Variants in ADAM10 observed in about 807,000 individuals in gnomAD.
The protein encoded by ADAM10 is disintegrin and metalloproteinase domain-containing protein 10.
Under a neutral mutation model 90.1 loss-of-function variants are expected in ADAM10, and 17 were observed. The observed-to-expected ratio is 0.19, with a 90% confidence interval of 0.13 to 0.28. The LOEUF (loss-of-function observed/expected upper bound fraction) is 0.28, where lower values mean the gene tolerates loss of function less well. Among genes scored for constraint, ADAM10 ranks in the 10% least tolerant of loss-of-function variants. ADAM10 has a pLI of 1.00. For synonymous variants in ADAM10, 310 were observed against 298.6 expected, an observed-to-expected ratio of 1.04 and a Z score of -0.40; for missense variants, 610 against 914.3, an observed-to-expected ratio of 0.67 and a Z score of 4.29.
intron 9 of ADAM10, among the ~76,000 whole-genome samples, chr15:58,631,272 C>G (rs1048032248): frequency 6.6e-6 from 1 of 152,164 alleles, no homozygotes; most frequent in Non-Finnish European, 1.5e-5. Context: ...CAACACAAAA[C>G]AGATGAAGAC....
intron 2 of ADAM10, among the ~76,000 whole-genome samples, chr15:58,694,193 T>C (rs35956992): frequency 0.14 from 20,690 of 152,206 alleles, 1,702 homozygotes; most frequent in South Asian, 0.32. Flanking sequence ...CTCATGCCTA[T>C]AATCCCAGCA....
intron 1 of ADAM10, among the ~76,000 whole-genome samples, chr15:58,746,442 T>C (rs976842026): frequency 2.0e-5 from 3 of 152,172 alleles, no homozygotes; most frequent in African/African-American, 7.2e-5. Context: ...AAAATACCAT[T>C]AATGTAGGCA....
Position 58,643,982 on chromosome 15 carries a change from T to C in ADAM10, c.736-4A>G, listed in dbSNP as rs773702469. On this transcript the variant is annotated splice_region_variant and splice_polypyrimidine_tract_variant and intron_variant, in intron 6 of 15. Transcript: ENST00000260408. ...TCGCTTTAACATGACTGGATATCTA[T>C]GATTTAAAAAAAAGAACATTTTAGA... The C allele has an allele frequency of 5.0e-6, 8 of 1,597,824 alleles. No homozygotes were observed. The highest frequency in any genetic ancestry group is 6.9e-6 in the Non-Finnish European group (8 of 1,165,668).
rs1368648919 is a variant in ADAM10, at chr15:58,686,420, G to A, written c.207-4106C>T. ...GCCCAGCGCCGCCACCATGTCCTCTGGGGCTAGCGCGAGCGCCCTGCAGTG... is the reference window on the plus strand; with the variant it reads ...GCCCAGCGCCGCCACCATGTCCTCTAGGGCTAGCGCGAGCGCCCTGCAGTG... On this transcript the variant is annotated intron_variant, in intron 2 of 15. Transcript: ENST00000260408. The A allele has an allele frequency of 3.8e-6, 5 of 1,306,074 alleles. No homozygotes were observed. In the Admixed American group the frequency reaches 7.9e-5, roughly 21 times the overall value. 80.9% of individuals were successfully genotyped at this position (1,306,074 alleles called of 1,614,324 possible). A position where few individuals can be genotyped will look rare whatever the true frequency, so the allele number is the denominator to read the frequency against.
At chr15:58,680,590 T>C (rs868055394) in intron 3 of ADAM10, among the ~76,000 whole-genome samples, 6 of 152,234 alleles carry the variant, frequency 3.9e-5, no homozygotes, top group South Asian at 4.1e-4. Context: ...CTTTTGGTTC[T>C]TAATATAATC....
intron 2 of ADAM10, among the ~76,000 whole-genome samples, chr15:58,714,328 G>A (rs1437547253): frequency 3.0e-5 from 3 of 100,260 alleles, no homozygotes; most frequent in African/African-American, 8.4e-5. Flanking sequence ...CACACACACA[G>A]AAGCTGTGCT....
Position 58,591,555 on chromosome 15 carries a change from AACTGGCC to A in ADAM10, c.*5985_*5991del, listed in dbSNP as rs1364467538. On this transcript the variant is annotated 3_prime_UTR_variant, in exon 16 of 16. Coordinates refer to ENST00000260408, the MANE Select transcript of ADAM10 (RefSeq NM_001110.4). ...TGGGATTACAGGTATGAGCCATCAC[AACTGGCC>A]ACATTTTAAAACTTCTATGAAAAAT... 1 of 152,108 alleles carries A rather than the reference AACTGGCC, an allele frequency of 6.6e-6. No individual in the cohort carries two copies. The highest frequency in any genetic ancestry group is 2.4e-5 in the African/African-American group (1 of 41,414). 9.4% of individuals were successfully genotyped at this position (152,108 alleles called of 1,614,324 possible).
At chr15:58,701,232 A>C (rs1167917489) in intron 2 of ADAM10, among the ~76,000 whole-genome samples, 1 of 152,062 alleles carries the variant, frequency 6.6e-6, no homozygotes, top group African/African-American at 2.4e-5. Flanking sequence ...TATACAAGGA[A>C]CTCAATAGTT....
At chr15:58,618,625 G>A (rs9921024) in intron 11 of ADAM10, among the ~76,000 whole-genome samples, 32,484 of 151,986 alleles carry the variant, frequency 0.21, 4,045 homozygotes, top group East Asian at 0.4. Flanking sequence ...TCTGACTAGG[G>A]ACTGATAGAA....
chr15:58,676,175 T>A, intron 4 of ADAM10: 1 of 407,182 alleles, frequency 2.5e-6, no homozygotes, highest in South Asian at 1.8e-5. Context: ...ATCCTTGAAG[T>A]AAAGGCAGTG....
chr15:58,713,487 A>G (rs1898542554), intron 2 of ADAM10, among the ~76,000 whole-genome samples: 1 of 152,222 alleles, frequency 6.6e-6, no homozygotes, highest in Non-Finnish European at 1.5e-5. Flanking sequence ...CTTCAAGTTC[A>G]CAAGGAGTAG....
intron 2 of ADAM10, 151 bp downstream of exon 2, chr15:58,717,426 T>C: frequency 3.4e-6 from 3 of 893,362 alleles, no homozygotes; most frequent in Admixed American, 2.7e-5. Flanking sequence ...AAATAAGTCA[T>C]TTTTTAATGC....
intron 2 of ADAM10, among the ~76,000 whole-genome samples, chr15:58,693,975 T>C (rs1191472505): frequency 6.6e-6 from 1 of 152,202 alleles, no homozygotes; most frequent in Admixed American, 6.5e-5. Context: ...ATAACATCAT[T>C]AGTCAACAAA....
At chr15:58,731,515 C>G (rs1899239973) in intron 1 of ADAM10, among the ~76,000 whole-genome samples, 1 of 152,128 alleles carries the variant, frequency 6.6e-6, no homozygotes, top group Non-Finnish European at 1.5e-5. Flanking sequence ...GTTGTCCCAG[C>G]TGCTCAAGAG....
intron 1 of ADAM10, among the ~76,000 whole-genome samples, chr15:58,724,640 C>G (rs1023169437): frequency 2.6e-5 from 4 of 152,148 alleles, no homozygotes; most frequent in East Asian, 1.9e-4. Context: ...AAGGAGGAAG[C>G]TGAACAGAGA....
At chr15:58,684,524 A>G (rs1423254445) in intron 2 of ADAM10, among the ~76,000 whole-genome samples, 1 of 152,254 alleles carries the variant, frequency 6.6e-6, no homozygotes, top group African/African-American at 2.4e-5. Context: ...CTCTTGAACA[A>G]TGAGATCTGA....
chr15:58,747,120 T>C (rs1899817352), intron 1 of ADAM10, among the ~76,000 whole-genome samples: 1 of 152,214 alleles, frequency 6.6e-6, no homozygotes. Context: ...CTGCTACAGC[T>C]GAAATGCCTT....
At chr15:58,604,301 C>T (rs1384288744) in intron 14 of ADAM10, among the ~76,000 whole-genome samples, 1 of 152,168 alleles carries the variant, frequency 6.6e-6, no homozygotes, top group Non-Finnish European at 1.5e-5. Context: ...ACGGTGGTTG[C>T]AGTGAGCCGA....
intron 5 of ADAM10, among the ~76,000 whole-genome samples, chr15:58,656,563 T>C (rs1432146179): frequency 2.6e-5 from 4 of 152,208 alleles, no homozygotes; most frequent in African/African-American, 9.7e-5. Flanking sequence ...ACAACAGTGA[T>C]TGCATAATTA....
Sources: allele counts gnomAD v4.1 joint callset (sites outside exome capture counted in the v4.1 genomes callset), GRCh38; gene constraint gnomAD v4.1.1; transcripts MANE v1.5; gene names NCBI Gene and HGNC (gene_info 2026-07-23, HGNC 2026-07-21).